The following MGAT4A variants were observed in gnomAD, a reference collection of about 807,000 sequenced individuals.
MGAT4A encodes the protein N-acetylglucosaminyltransferase IVa.
A neutral mutation model predicts 74.1 loss-of-function variants in MGAT4A; 33 were observed. That is an observed-to-expected ratio of 0.45 (90% CI 0.34 to 0.60). MGAT4A has a LOEUF of 0.60. Among genes scored for constraint, MGAT4A ranks in the 20% least tolerant of loss-of-function variants. The probability of loss-of-function intolerance (pLI) is 0.02; values close to 1 mark genes in which losing one functional copy is unlikely to be tolerated. For missense variants in MGAT4A, 479 were observed against 628.3 expected (o/e 0.76, Z 2.54); for synonymous variants, 198 against 210.4 (o/e 0.94, Z 0.51).
Position 98,621,777 on chromosome 2 carries a change from C to A in MGAT4A, c.*3789G>T, listed in dbSNP as rs1701064455. 2 of 1,136,980 alleles carry A rather than the reference C, an allele frequency of 1.8e-6. No homozygotes were observed. Among genetic ancestry groups the A allele is most frequent in the East Asian group, 4.6e-5 (1 of 21,672 alleles). 70.4% of individuals were successfully genotyped at this position (1,136,980 alleles called of 1,614,324 possible). A position where few individuals can be genotyped will look rare whatever the true frequency, so the allele number is the denominator to read the frequency against. On this transcript the variant is annotated 3_prime_UTR_variant, in exon 16 of 16. Transcript: ENST00000393487. ...GAGGGACAGCACTGTTGGGAGACAA[C>A]CTCTTTTTCATTATTATGATAGATT...
chr2:98,705,669 C>T (rs1468066007), intron 2 of MGAT4A, among the ~76,000 whole-genome samples: 2 of 152,146 alleles, frequency 1.3e-5, no homozygotes, highest in South Asian at 2.1e-4. Context: ...ACAGGCCGGG[C>T]GCGGTGGCTC....
Position 98,621,515 on chromosome 2 carries a change from G to C in MGAT4A, c.*4051C>G. 1 of 1,551,568 alleles carries C rather than the reference G, an allele frequency of 6.4e-7. No individual in the cohort carries two copies. The highest frequency in any genetic ancestry group is 8.7e-7 in the Non-Finnish European group (1 of 1,146,952). On this transcript the variant is annotated 3_prime_UTR_variant, in exon 16 of 16. Transcript: ENST00000393487. ...CCGAGAAAACTCTCTGCTTTTAAAG[G>C]AGTCACAAGATTTGATTAGCCACCC...
At chr2:98,693,718 GACTTTAA>G (rs1259628113) in intron 2 of MGAT4A, among the ~76,000 whole-genome samples, 1 of 150,900 alleles carries the variant, frequency 6.6e-6, no homozygotes, top group Non-Finnish European at 1.5e-5. Flanking sequence ...GAGGGCAAAG[GACTTTAA>G]AGGAAATAGT....
intron 4 of MGAT4A, among the ~76,000 whole-genome samples, chr2:98,665,214 A>G (rs537517179): frequency 1.0e-3 from 155 of 151,732 alleles, no homozygotes; most frequent in Non-Finnish European, 1.9e-3. Flanking sequence ...CTGTAGTCCC[A>G]GCTACTCAGG....
At chr2:98,668,446 G>A (rs1701867330) in intron 4 of MGAT4A, among the ~76,000 whole-genome samples, 1 of 152,124 alleles carries the variant, frequency 6.6e-6, no homozygotes, top group Non-Finnish European at 1.5e-5. Context: ...AGTCAATAAT[G>A]GGGAACCTCC....
chr2:98,696,412 C>A (rs1332598376), intron 2 of MGAT4A, among the ~76,000 whole-genome samples: 2 of 152,182 alleles, frequency 1.3e-5, no homozygotes, highest in Non-Finnish European at 2.9e-5. Context: ...CCTATTCACT[C>A]TTCATTTGCT....
intron 2 of MGAT4A, among the ~76,000 whole-genome samples, chr2:98,690,860 T>G (rs1001927601): frequency 1.3e-5 from 2 of 151,734 alleles, no homozygotes; most frequent in African/African-American, 2.4e-5. Flanking sequence ...CAAAAAAAAC[T>G]TAATGGGTGA....
intron 5 of MGAT4A, 49 bp from the exon 6 acceptor site, chr2:98,658,313 T>G: frequency 9.2e-7 from 1 of 1,092,890 alleles, no homozygotes. Context: ...ATATTTTTAT[T>G]TAACTGTTAA....
chr2:98,645,575 CA>C (rs752886850), intron 8 of MGAT4A, 33 bp from the exon 9 acceptor site: 11 of 1,397,056 alleles, frequency 7.9e-6, no homozygotes, highest in South Asian at 1.5e-5. Context: ...ATTAATACAT[CA>C]AAAAAAGAAA....
chr2:98,674,306 T>C lies in MGAT4A; in HGVS notation c.403+729A>G, dbSNP rs184361151. On this transcript the variant is annotated intron_variant, in intron 4 of 15. Coordinates refer to ENST00000393487, the MANE Select transcript of MGAT4A (RefSeq NM_012214.3). ...CTTACAGAAGAACAAAATAATATTCTGCCCTCTGCATTTTAAAATCTACAA... is the reference window on the plus strand; with the variant it reads ...CTTACAGAAGAACAAAATAATATTCCGCCCTCTGCATTTTAAAATCTACAA... Among the ~76,000 whole-genome samples the C allele has an allele frequency of 5.2e-4, 79 of 152,348 alleles. 1 individual carries two copies. The highest frequency in any genetic ancestry group is 5.0e-3 in the Admixed American group (77 of 15,306).
Position 98,625,539 on chromosome 2 carries a change from GA to G in MGAT4A, c.*26del, listed in dbSNP as rs746717825. On this transcript the variant is annotated 3_prime_UTR_variant, in exon 16 of 16. Coordinates refer to ENST00000393487, the MANE Select transcript of MGAT4A (RefSeq NM_012214.3). ...CTATCTTTAATTAACAAATTCACAG[GA>G]AAAAATGTGTTGGTTTCTCAGATGA... 6 of 1,600,902 alleles carry G rather than the reference GA, an allele frequency of 3.7e-6. No homozygotes were observed. In the African/African-American group the frequency reaches 4.1e-5, roughly 11 times the overall value.
rs979492169 is a variant in MGAT4A, at chr2:98,622,046, G to A, written c.*3520C>T. ...TTCTGACTACACAGTATGGTACAGC[G>A]CGTGATGTGGAGAATGCATGAGACT... On this transcript the variant is annotated 3_prime_UTR_variant, in exon 16 of 16. Transcript: ENST00000393487. 1.7e-5 allele frequency: 17 copies of A among 985,328 alleles called. No homozygotes were observed. Among genetic ancestry groups the A allele is most frequent in the Admixed American group, 6.1e-5 (1 of 16,266 alleles). 61.0% of individuals were successfully genotyped at this position (985,328 alleles called of 1,614,324 possible). A position where few individuals can be genotyped will look rare whatever the true frequency, so the allele number is the denominator to read the frequency against.
At chr2:98,712,041 C>G (rs998802877) in intron 2 of MGAT4A, among the ~76,000 whole-genome samples, 5 of 152,148 alleles carry the variant, frequency 3.3e-5, no homozygotes, top group African/African-American at 1.2e-4. Context: ...CATCCCTGCT[C>G]CCAGCTCTAA....
intron 8 of MGAT4A, among the ~76,000 whole-genome samples, chr2:98,650,594 G>A (rs1701561883): frequency 6.6e-6 from 1 of 152,152 alleles, no homozygotes; most frequent in Non-Finnish European, 1.5e-5. Context: ...TGTTCAAAGT[G>A]CTAAAACATA....
Position 98,619,543 on chromosome 2 carries a change from C to T in MGAT4A, c.*6023G>A, listed in dbSNP as rs973297669. ...AATGAAACACAATTGTTACACTTTG[C>T]TGATTTCTAAATCTTTCTTAGAAAA... On this transcript the variant is annotated 3_prime_UTR_variant, in exon 16 of 16. Transcript: ENST00000393487. 1 of 152,160 alleles carries T rather than the reference C, an allele frequency of 6.6e-6. No homozygotes were observed. The highest frequency in any genetic ancestry group is 2.4e-5 in the African/African-American group (1 of 41,434). The allele number at this position is 152,160 out of a possible 1,614,324, so 9.4% of individuals were successfully genotyped here. A position where few individuals can be genotyped will look rare whatever the true frequency, so the allele number is the denominator to read the frequency against.
intron 3 of MGAT4A, 143 bp from the exon 4 acceptor site, chr2:98,675,318 T>C (rs1701964539): frequency 1.6e-6 from 1 of 622,376 alleles, no homozygotes; most frequent in Non-Finnish European, 2.7e-6. Flanking sequence ...GAGATCTCCA[T>C]TTAAGATGAA....
At chr2:98,716,737 C>G (rs1358615389) in intron 2 of MGAT4A, among the ~76,000 whole-genome samples, 2 of 152,086 alleles carry the variant, frequency 1.3e-5, no homozygotes, top group Non-Finnish European at 2.9e-5. Context: ...TTGAGGATAC[C>G]AAAATCTGCA....
At chr2:98,705,869 G>A (rs1702419775) in intron 2 of MGAT4A, among the ~76,000 whole-genome samples, 1 of 149,088 alleles carries the variant, frequency 6.7e-6, no homozygotes, top group Admixed American at 6.7e-5. Context: ...GTGAACCCGG[G>A]AAGCGGAGCT....
chr2:98,644,278 T>C (rs1701454274), intron 9 of MGAT4A, among the ~76,000 whole-genome samples: 1 of 152,244 alleles, frequency 6.6e-6, no homozygotes, highest in African/African-American at 2.4e-5. Context: ...AAATTCCCGA[T>C]GTTACTATAA....
Sources: allele counts gnomAD v4.1 joint callset (sites outside exome capture counted in the v4.1 genomes callset), GRCh38; gene constraint gnomAD v4.1.1; transcripts MANE v1.5; gene names NCBI Gene and HGNC (gene_info 2026-07-23, HGNC 2026-07-21).